Variants in CCT2 observed in about 807,000 individuals in gnomAD.
CCT2 encodes the protein T-complex protein 1 subunit beta.
In CCT2, 18 loss-of-function variants were observed where a neutral mutation model predicts 61.8. The ratio of observed to expected loss-of-function variants is 0.29; its 90% confidence interval spans 0.20 to 0.43. The LOEUF (loss-of-function observed/expected upper bound fraction) is 0.43, where lower values mean the gene tolerates loss of function less well. Ranked by LOEUF, CCT2 falls within the 20% of genes least tolerant of loss-of-function variation. The probability of loss-of-function intolerance (pLI) is 1.00; values close to 1 mark genes in which losing one functional copy is unlikely to be tolerated. For missense variants in CCT2, 556 were observed against 656.9 expected, an observed-to-expected ratio of 0.85 and a Z score of 1.68; for synonymous variants, 248 against 215.9, an observed-to-expected ratio of 1.15 and a Z score of -1.30.
At chr12:69,585,818 C>T in intron 1 of CCT2, 1 of 1,344,418 alleles carries the variant, frequency 7.4e-7, no homozygotes, top group South Asian at 1.8e-5. Context: ...TAGTGTGGGA[C>T]CCGCTCCGCC....
At position 69,586,151 on chromosome 12, in the gene CCT2, AC is replaced by A. The variant is rs570539360; in HGVS notation, c.4-118del. 4.6e-4 allele frequency: 522 copies of A among 1,142,040 alleles called. 9 individuals carry two copies. In the South Asian group the frequency reaches 6.7e-3, roughly 15 times the overall value. The allele number at this position is 1,142,040 out of a possible 1,614,324, so 70.7% of individuals were successfully genotyped here. ...TGATGGAAGCTTCATTTGATTGAAA[AC>A]ATTGTTGTAAATGAGTTTTCTCTTA... On this transcript the variant is annotated intron_variant, in intron 1 of 15. Coordinates refer to ENST00000299300, the MANE Select transcript of CCT2 (RefSeq NM_006431.3).
intron 6 of CCT2, 70 bp downstream of exon 6, chr12:69,588,332 C>G: frequency 1.8e-6 from 2 of 1,089,810 alleles, no homozygotes; most frequent in Non-Finnish European, 2.8e-6. Context: ...TGCAAGAAAT[C>G]TATAGGACAC....
At chr12:69,586,246 A>T (rs761378029) in intron 1 of CCT2, 24 bp from the exon 2 acceptor site, 1 of 1,570,660 alleles carries the variant, frequency 6.4e-7, no homozygotes, top group Non-Finnish European at 8.8e-7. Flanking sequence ...CTTAAACGGA[A>T]TGCCTCTTGG....
intron 15 of CCT2, 143 bp downstream of exon 15, chr12:69,600,147 CT>C: frequency 1.3e-6 from 1 of 796,776 alleles, no homozygotes; most frequent in Non-Finnish European, 1.9e-6. Context: ...TATCACAACT[CT>C]TAACACTTAA....
chr12:69,599,727 AGGCTTATCTACCTACT>A (rs1882096027), intron 14 of CCT2, 120 bp from the exon 15 acceptor site: 1 of 587,518 alleles, frequency 1.7e-6, no homozygotes, highest in Non-Finnish European at 2.8e-6. Flanking sequence ...GCTCATTTGT[AGGCTTATCTACCTACT>A]GAGTAAAGTA....
intron 2 of CCT2, among the ~76,000 whole-genome samples, 178 bp from the exon 3 acceptor site, chr12:69,586,575 G>A (rs543425138): frequency 6.6e-6 from 1 of 152,178 alleles, no homozygotes; most frequent in South Asian, 2.1e-4. Context: ...GGCTGAGGCA[G>A]GAGGATCGCT....
At chr12:69,590,467 G>T (rs1704911072) in intron 7 of CCT2, among the ~76,000 whole-genome samples, 1 of 152,062 alleles carries the variant, frequency 6.6e-6, no homozygotes, top group South Asian at 2.1e-4. Flanking sequence ...GTACATTTTT[G>T]TTTAGAGTGA....
At chr12:69,588,998 G>A (rs1015628288) in intron 6 of CCT2, among the ~76,000 whole-genome samples, 24 of 152,286 alleles carry the variant, frequency 1.6e-4, no homozygotes, top group Non-Finnish European at 2.8e-4. Context: ...GCACGACTTC[G>A]GCTGACTGCA....
chr12:69,589,432 A>C (rs1881768432), intron 6 of CCT2, 53 bp from the exon 7 acceptor site: 1 of 1,333,056 alleles, frequency 7.5e-7, no homozygotes, highest in Non-Finnish European at 1.1e-6. Context: ...TATCTAGATA[A>C]ATTTTGAAAA....
chr12:69,587,496 T>C lies in CCT2; in HGVS notation c.145-9T>C, dbSNP rs369156960. 7.1e-5 allele frequency: 109 copies of C among 1,526,870 alleles called. No homozygotes were observed. Among genetic ancestry groups the C allele is most frequent in the Middle Eastern group, 3.4e-4 (2 of 5,908 alleles). 94.6% of individuals were successfully genotyped at this position (1,526,870 alleles called of 1,614,324 possible). ...ATGTCTTAACTTGAACCAATTATGT[T>C]CCCTTTAGGACAAAATTCTTCTAAG... is the stretch of plus-strand genomic sequence containing the variant. On this transcript the variant is annotated splice_polypyrimidine_tract_variant and intron_variant, in intron 3 of 15. Transcript: ENST00000299300.
At chr12:69,597,383 CT>C in intron 11 of CCT2, 108 bp downstream of exon 11, 3 of 1,334,178 alleles carry the variant, frequency 2.2e-6, no homozygotes, top group Non-Finnish European at 3.1e-6. Flanking sequence ...AGTCTTAACT[CT>C]TCAGAAGCAT....
chr12:69,598,123 GTT>G, intron 13 of CCT2, 52 bp downstream of exon 13: 3 of 1,338,072 alleles, frequency 2.2e-6, no homozygotes, highest in Non-Finnish European at 3.2e-6. Flanking sequence ...GTTATTGATA[GTT>G]TTAAAATGAG....
At chr12:69,593,638 T>C (rs771434952) in intron 10 of CCT2, 25 bp downstream of exon 10, 5 of 1,358,068 alleles carry the variant, frequency 3.7e-6, no homozygotes, top group Non-Finnish European at 5.3e-6. Flanking sequence ...TATTGTTTTC[T>C]AACAAACACA....
In CCT2 at chr12:69,599,942, G is replaced by C. The variant is rs1190162013; in HGVS notation, c.1515G>C (p.Leu505=). The change falls in exon 15 of 16, where the codon CTG becomes CTC. Residue 505 remains leucine (L), a synonymous_variant. Transcript: ENST00000299300. The stretch of plus-strand genomic sequence containing the variant: ...TTCAAGTGAAGCGACAGGTTCTTCT[G>C]AGTGCAGCTGAAGCAGCAGAGGTGA... ...ESFQVKRQVL[L]SAAEAAEVIL... 10 of 1,613,900 alleles carry C rather than the reference G, an allele frequency of 6.2e-6. No homozygotes were observed. The highest frequency in any genetic ancestry group is 8.5e-6 in the Non-Finnish European group (10 of 1,179,916).
At position 69,601,275 on chromosome 12, in the gene CCT2, C is replaced by T; in HGVS notation, c.1578-20C>T. On this transcript the variant is annotated intron_variant, in intron 15 of 15. Transcript: ENST00000299300. ...CATGCTCTTCATTTTTCACTATTGA[C>T]TTTTTTCTTACTCTCATAGGAAACG... 1 of 1,581,584 alleles carries T rather than the reference C, an allele frequency of 6.3e-7. No individual in the cohort carries two copies. The highest frequency in any genetic ancestry group is 1.4e-5 in the African/African-American group (1 of 73,172).
At position 69,597,304 on chromosome 12, in the gene CCT2, G is replaced by T. The variant is rs710766; in HGVS notation, c.1102+29G>T. On this transcript the variant is annotated intron_variant, in intron 11 of 15. Transcript: ENST00000299300. The stretch of plus-strand genomic sequence containing the variant: ...AGTGATTATGTAGATCCTGGTTAGG[G>T]TGTCTAAATTCTTGCTAGGCTCTGT... 6,875 of 1,611,272 alleles carry T rather than the reference G, an allele frequency of 4.3e-3. 243 individuals carry two copies. The East Asian group carries it at 0.11, about 25-fold the overall frequency.
chr12:69,590,719 C>CCT (rs767706896), intron 7 of CCT2, among the ~76,000 whole-genome samples: 1 of 140,080 alleles, frequency 7.1e-6, no homozygotes, highest in Non-Finnish European at 1.5e-5. Context: ...TGTAGCATTT[C>CCT]TTTTTTTTTT....
Position 69,597,230 on chromosome 12 carries a change from A to G in CCT2, c.1057A>G (p.Met353Val). ...AAGTTGCAAACTTATCGAGGAAGTCATGATTGGAGAAGACAAACTCATTCA... is the reference window on the plus strand; with the variant it reads ...AAGTTGCAAACTTATCGAGGAAGTCGTGATTGGAGAAGACAAACTCATTCA... ...LGSCKLIEEV[M>V]IGEDKLIHFS... The change falls in exon 11 of 16, where the codon ATG (methionine) becomes GTG (valine). Residue 353 changes from methionine to valine, a missense_variant. Around this residue, in one of 3 missense-constraint regions of CCT2, gnomAD observed 225 missense variants for 249.8 expected, o/e 0.90. Transcript: ENST00000299300. 1 of 1,614,060 alleles carries G rather than the reference A, an allele frequency of 6.2e-7. No individual in the cohort carries two copies. The highest frequency in any genetic ancestry group is 8.5e-7 in the Non-Finnish European group (1 of 1,179,916).
intron 11 of CCT2, 71 bp downstream of exon 11, chr12:69,597,346 G>T (rs540447182): frequency 2.0e-6 from 3 of 1,529,824 alleles, no homozygotes; most frequent in Non-Finnish European, 2.7e-6. Flanking sequence ...AAAGGTTATT[G>T]TAGTTACTAG....
Sources: gnomAD v4.1 joint callset for allele counts (sites outside exome capture counted in the v4.1 genomes callset) on GRCh38, gnomAD v4.1.1 for gene constraint, gnomAD v4.1.1 regional missense constraint, MANE v1.5 for transcripts, NCBI Gene and HGNC (gene_info 2026-07-23, HGNC 2026-07-21) for gene names.